NBEAL1: variants seen among roughly 807,000 people sequenced by gnomAD.
NBEAL1 encodes the protein neurobeachin-like protein 1.
A neutral mutation model predicts 351.3 loss-of-function variants in NBEAL1; 273 were observed. That is an observed-to-expected ratio of 0.78 (90% CI 0.70 to 0.86). The LOEUF is 0.86. NBEAL1 is among the 40% of genes least tolerant of loss of function. The probability of loss-of-function intolerance (pLI) is 0.00; values close to 1 mark genes in which losing one functional copy is unlikely to be tolerated. For synonymous variants in NBEAL1, 1,050 were observed against 1,086.4 expected (o/e 0.97, Z 0.66); for missense variants, 2,961 against 3,201.3 (o/e 0.92, Z 1.81).
intron 6 of NBEAL1, among the ~76,000 whole-genome samples, chr2:203,059,638 T>C (rs1460470760): frequency 6.6e-6 from 1 of 152,240 alleles, no homozygotes; most frequent in Non-Finnish European, 1.5e-5. Flanking sequence ...AAATCTACCA[T>C]GTGACTAGAA....
intron 36 of NBEAL1, among the ~76,000 whole-genome samples, chr2:203,158,181 AAG>A (rs921321391): frequency 2.3e-4 from 35 of 152,328 alleles, no homozygotes; most frequent in African/African-American, 7.7e-4. Context: ...AAATTCATGA[AAG>A]AGAAAAACAA....
At chr2:203,058,569 T>G (rs2061444531) in intron 6 of NBEAL1, among the ~76,000 whole-genome samples, 1 of 152,210 alleles carries the variant, frequency 6.6e-6, no homozygotes, top group Non-Finnish European at 1.5e-5. Context: ...CTGATATCTC[T>G]TGAGCAGTCA....
chr2:203,195,677 G>A (rs1001499835), intron 47 of NBEAL1, among the ~76,000 whole-genome samples: 6 of 152,180 alleles, frequency 3.9e-5, no homozygotes, highest in Non-Finnish European at 8.8e-5. Context: ...GGGAAGCCAG[G>A]CACAAGTGTC....
At chr2:203,113,457 T>A in intron 17 of NBEAL1, 139 bp downstream of exon 17, 1 of 565,132 alleles carries the variant, frequency 1.8e-6, no homozygotes, top group Non-Finnish European at 2.6e-6. Context: ...TTTGTTTTAA[T>A]TGAAGCTGAA....
At chr2:203,147,740 A>G (rs2063547484) in intron 33 of NBEAL1, among the ~76,000 whole-genome samples, 2 of 151,984 alleles carry the variant, frequency 1.3e-5, no homozygotes, top group Admixed American at 6.6e-5. Context: ...AGACTCATTT[A>G]CTAGTTTTTT....
chr2:203,156,062 A>G (rs1185435836), intron 35 of NBEAL1, among the ~76,000 whole-genome samples: 2 of 152,150 alleles, frequency 1.3e-5, no homozygotes, highest in African/African-American at 2.4e-5. Flanking sequence ...TGAATTTATT[A>G]TCTTTTCTCA....
intron 15 of NBEAL1, among the ~76,000 whole-genome samples, chr2:203,111,660 G>C (rs2062576203): frequency 6.6e-6 from 1 of 152,044 alleles, no homozygotes; most frequent in African/African-American, 2.4e-5. Context: ...CCAGCTGATA[G>C]GTTGTTTTAA....
chr2:203,103,733 G>C (rs1235195002), intron 12 of NBEAL1, among the ~76,000 whole-genome samples: 1 of 152,136 alleles, frequency 6.6e-6, no homozygotes, highest in Non-Finnish European at 1.5e-5. Context: ...ACTTTTTGAT[G>C]TGGGCGTTTA....
Position 203,221,707 on chromosome 2 carries a change from C to T in NBEAL1, c.*4353C>T, listed in dbSNP as rs931699936. Among the ~76,000 whole-genome samples the T allele has an allele frequency of 1.3e-5, 2 of 152,104 alleles. No individual in the cohort carries two copies. The highest frequency in any genetic ancestry group is 2.4e-5 in the African/African-American group (1 of 41,434). ...TTCTCAATATTCTTTTTGCTGAATT[C>T]GTATATTGTATATGCTCAACATATT... On this transcript the variant is annotated 3_prime_UTR_variant, in exon 56 of 56. Transcript: ENST00000683969.
At chr2:203,118,482 T>C (rs2062749563) in intron 18 of NBEAL1, among the ~76,000 whole-genome samples, 1 of 152,224 alleles carries the variant, frequency 6.6e-6, no homozygotes, top group Non-Finnish European at 1.5e-5. Flanking sequence ...TGGCAGGAAT[T>C]GTATCTTACA....
rs1015049060 is a variant in NBEAL1, at chr2:203,084,510, G to A, written c.1039G>A (p.Ala347Thr). Residue 347 changes from alanine (A) to threonine (T), a missense_variant, in exon 10 of 56, where the codon GCC becomes ACC. Coordinates refer to ENST00000683969, the MANE Select transcript of NBEAL1 (RefSeq NM_001378026.1). ...LDCTDRPVLQ[A>T]IFLNSNCFEH... is the part of the protein sequence containing the mutation. ...TTGTACAGATAGACCTGTTCTTCAG[G>A]CCATTTTTCTTAACAGCAATTGCTT... 6 of 1,544,750 alleles carry A rather than the reference G, an allele frequency of 3.9e-6. No homozygotes were observed.
Position 203,190,157 on chromosome 2 carries a change from TGTACACACAC to T in NBEAL1, c.6824-134_6824-125del, listed in dbSNP as rs1433773429. On this transcript the variant is annotated intron_variant, in intron 45 of 55. Coordinates refer to ENST00000683969, the MANE Select transcript of NBEAL1 (RefSeq NM_001378026.1). The stretch of plus-strand genomic sequence containing the variant: ...TCTCAAAAAAAAAAAAAAAGATGTG[TGTACACACAC>T]ACACACACACACACACACACACACA... 11 of 402,928 alleles carry T rather than the reference TGTACACACAC, an allele frequency of 2.7e-5. No individual in the cohort carries two copies. In the African/African-American group the frequency reaches 3.8e-4, roughly 14 times the overall value. 25.0% of individuals were successfully genotyped at this position (402,928 alleles called of 1,614,324 possible).
At chr2:203,040,717 T>TG in intron 2 of NBEAL1, 1 of 605,296 alleles carries the variant, frequency 1.7e-6, no homozygotes. Context: ...GGAGATCTCA[T>TG]AGTTCTTGCT....
chr2:203,203,483 T>G (rs1373335502), intron 51 of NBEAL1, among the ~76,000 whole-genome samples: 1 of 152,072 alleles, frequency 6.6e-6, no homozygotes, highest in East Asian at 1.9e-4. Flanking sequence ...TCAGCTTCTG[T>G]GTTTTCTGCA....
chr2:203,034,764 T>C (rs769114407), intron 2 of NBEAL1, among the ~76,000 whole-genome samples: 7 of 148,860 alleles, frequency 4.7e-5, no homozygotes, highest in Non-Finnish European at 9.0e-5. Flanking sequence ...GGCCTGTACT[T>C]ATTAAACATT....
chr2:203,049,781 C>T (rs1387232422), intron 3 of NBEAL1, 33 bp from the exon 4 acceptor site: 2 of 1,485,112 alleles, frequency 1.3e-6, no homozygotes, highest in East Asian at 5.0e-5. Flanking sequence ...TGTATTTCAA[C>T]AGGCTTCTTA....
At chr2:203,023,849 G>A (rs2060808449) in intron 2 of NBEAL1, among the ~76,000 whole-genome samples, 1 of 152,298 alleles carries the variant, frequency 6.6e-6, no homozygotes, top group East Asian at 1.9e-4. Context: ...AAGAAGAGAA[G>A]AAGGTAAAAG....
intron 10 of NBEAL1, among the ~76,000 whole-genome samples, chr2:203,096,026 G>A (rs1441104607): frequency 1.3e-5 from 2 of 152,076 alleles, no homozygotes; most frequent in Non-Finnish European, 2.9e-5. Context: ...CAAAGTTCTG[G>A]GATTACAGGC....
intron 2 of NBEAL1, chr2:203,040,579 G>A (rs2061124537): frequency 1.3e-5 from 9 of 673,330 alleles, no homozygotes; most frequent in Non-Finnish European, 2.5e-5. Context: ...ACATGAACAA[G>A]CCAAGGTCAA....
Sources: gnomAD v4.1 joint callset for allele counts (sites outside exome capture counted in the v4.1 genomes callset) on GRCh38, gnomAD v4.1.1 for gene constraint, MANE v1.5 for transcripts, NCBI Gene and HGNC (gene_info 2026-07-23, HGNC 2026-07-21) for gene names.